The following UQCC1 variants were observed in gnomAD, a reference collection of about 807,000 sequenced individuals.
UQCC1 encodes bFGF-repressed Zic-binding protein.
In UQCC1, 38 loss-of-function variants were observed where a neutral mutation model predicts 48.0. The observed-to-expected ratio is 0.79, with a 90% CI of 0.61 to 1.04. The LOEUF is 1.04. Among genes scored for constraint, UQCC1 ranks in the 50% least tolerant of loss-of-function variants. UQCC1 has a pLI of 0.00. For missense variants in UQCC1, 368 were observed against 381.8 expected (o/e 0.96, Z 0.30); for synonymous variants, 111 against 129.2 (o/e 0.86, Z 0.95).
At chr20:35,338,856 GAAAAAAAAAAAA>G (rs1172467457) in intron 7 of UQCC1, among the ~76,000 whole-genome samples, 171 of 26,840 alleles carry the variant, frequency 6.4e-3, no homozygotes, top group East Asian at 9.1e-3. Context: ...CGTCTCAAAA[GAAAAAAAAAAAA>G]AAAAAAAAAA....
chr20:35,400,829 C>T (rs987759551), intron 1 of UQCC1, among the ~76,000 whole-genome samples: 14 of 152,150 alleles, frequency 9.2e-5, no homozygotes, highest in Non-Finnish European at 1.5e-4. Context: ...TTCATGTTTT[C>T]GTTTCCCGTG....
At chr20:35,357,017 G>A (rs1390233659) in intron 6 of UQCC1, among the ~76,000 whole-genome samples, 1 of 152,194 alleles carries the variant, frequency 6.6e-6, no homozygotes, top group African/African-American at 2.4e-5. Flanking sequence ...ACAATAGTCT[G>A]GCAAAATACA....
chr20:35,336,470 C>A (rs2425063), intron 7 of UQCC1, among the ~76,000 whole-genome samples: 73,093 of 151,984 alleles, frequency 0.48, 19,312 homozygotes, highest in African/African-American at 0.71. Context: ...GCGGAAGGAA[C>A]TTAGGCTCAG....
At chr20:35,321,133 CAA>C (rs1385992019) in intron 7 of UQCC1, among the ~76,000 whole-genome samples, 1 of 152,132 alleles carries the variant, frequency 6.6e-6, no homozygotes, top group Non-Finnish European at 1.5e-5. Context: ...AGTAGACAGA[CAA>C]GAGAGACGGG....
At chr20:35,384,703 TCA>T in intron 2 of UQCC1, 1 of 442,592 alleles carries the variant, frequency 2.3e-6, no homozygotes, top group Non-Finnish European at 4.5e-6. Context: ...GTGGCGTGGC[TCA>T]CACCTGTAAT....
chr20:35,325,338 T>C (rs569132789), intron 7 of UQCC1, among the ~76,000 whole-genome samples: 1 of 152,368 alleles, frequency 6.6e-6, no homozygotes, highest in East Asian at 1.9e-4. Flanking sequence ...GTTAAAATGA[T>C]AAATATTATG....
At chr20:35,373,496 T>C (rs542204665) in intron 5 of UQCC1, among the ~76,000 whole-genome samples, 1 of 151,970 alleles carries the variant, frequency 6.6e-6, no homozygotes, top group Admixed American at 6.6e-5. Context: ...CTAGCCAACA[T>C]GGTGAAACCC....
chr20:35,411,860 T>A, intron 1 of UQCC1, 80 bp downstream of exon 1: 1 of 1,592,432 alleles, frequency 6.3e-7, no homozygotes. Flanking sequence ...TGCGATTCCT[T>A]CCAATTCCTC....
intron 1 of UQCC1, among the ~76,000 whole-genome samples, chr20:35,401,273 C>T (rs1440404967): frequency 6.6e-6 from 1 of 152,188 alleles, no homozygotes; most frequent in Non-Finnish European, 1.5e-5. Context: ...ACCTAACAAA[C>T]ATATTTTCCC....
intron 1 of UQCC1, among the ~76,000 whole-genome samples, chr20:35,400,844 T>C (rs186222419): frequency 3.3e-4 from 50 of 152,300 alleles, no homozygotes; most frequent in Admixed American, 5.2e-4. Context: ...CCCGTGCACA[T>C]TGTTAATTGC....
At chr20:35,396,941 C>T (rs1006294008) in intron 1 of UQCC1, among the ~76,000 whole-genome samples, 5 of 152,136 alleles carry the variant, frequency 3.3e-5, no homozygotes, top group Non-Finnish European at 7.3e-5. Context: ...ACATAAATTG[C>T]TTGAAAATCC....
chr20:35,358,081 C>T (rs527396060), intron 6 of UQCC1, among the ~76,000 whole-genome samples: 13 of 152,144 alleles, frequency 8.5e-5, no homozygotes, highest in East Asian at 1.9e-4. Context: ...AGGCTGGGCG[C>T]GCTGGCTCAT....
At chr20:35,376,760 T>G (rs2061805996) in intron 4 of UQCC1, among the ~76,000 whole-genome samples, 1 of 151,794 alleles carries the variant, frequency 6.6e-6, no homozygotes, top group Admixed American at 6.6e-5. Flanking sequence ...GTCAAGAGAT[T>G]GAGACCATCC....
chr20:35,377,530 A>G (rs971615069), intron 4 of UQCC1, among the ~76,000 whole-genome samples: 3 of 152,254 alleles, frequency 2.0e-5, no homozygotes, highest in Admixed American at 6.5e-5. Context: ...CACTGAGTAC[A>G]TAACTCAGTG....
chr20:35,350,685 T>A lies in UQCC1; in HGVS notation c.465-3413A>T, dbSNP rs182711745. On this transcript the variant is annotated intron_variant, in intron 6 of 9. Transcript: ENST00000374385. ...CTCCAGCCTGGGCGACAGAGTGAGA[T>A]TCCATCTGAAAATAAAAAGAAGGCT... Among the ~76,000 whole-genome samples the A allele has an allele frequency of 3.4e-4, 47 of 139,678 alleles. 1 individual carries two copies. Among genetic ancestry groups the A allele is most frequent in the Admixed American group, 3.3e-3 (46 of 14,008 alleles). The allele number at this position is 139,678 out of a possible 152,430, so 91.6% of individuals were successfully genotyped here. A position where few individuals can be genotyped will look rare whatever the true frequency, so the allele number is the denominator to read the frequency against.
chr20:35,379,555 G>A, intron 4 of UQCC1, among the ~76,000 whole-genome samples: 1 of 152,210 alleles, frequency 6.6e-6, no homozygotes, highest in East Asian at 1.9e-4. Context: ...TATAATCCCA[G>A]CACTTTGGGA....
intron 7 of UQCC1, among the ~76,000 whole-genome samples, chr20:35,329,688 T>A (rs1018336024): frequency 2.0e-5 from 3 of 152,224 alleles, no homozygotes; most frequent in Non-Finnish European, 4.4e-5. Flanking sequence ...CCTCCAGAAC[T>A]TTTTTACATA....
chr20:35,373,874 TAAAAA>T (rs1331319416), intron 5 of UQCC1, among the ~76,000 whole-genome samples: 3 of 152,104 alleles, frequency 2.0e-5, no homozygotes, highest in Non-Finnish European at 2.9e-5. Context: ...TTTACTCTAT[TAAAAA>T]AGAAAAGCAG....
intron 1 of UQCC1, among the ~76,000 whole-genome samples, chr20:35,395,253 C>T (rs2062060566): frequency 6.6e-6 from 1 of 152,096 alleles, no homozygotes; most frequent in African/African-American, 2.4e-5. Context: ...GCTACAAGTT[C>T]CAACCTTCTA....
Sources: allele counts gnomAD v4.1 joint callset (sites outside exome capture counted in the v4.1 genomes callset), GRCh38; gene constraint gnomAD v4.1.1; transcripts MANE v1.5; gene names NCBI Gene and HGNC (gene_info 2026-07-23, HGNC 2026-07-21).